ZNF578: variants seen among roughly 807,000 people sequenced by gnomAD.
ZNF578 encodes the protein Putative chemokine-related protein B42.
A neutral mutation model predicts 8.3 loss-of-function variants in ZNF578; 8 were observed. The observed-to-expected ratio is 0.96, with a 90% CI of 0.56 to 1.74. The LOEUF is 1.74. Among genes scored for constraint, ZNF578 ranks in the 40% most tolerant of loss-of-function variants. ZNF578 has a pLI of 0.00. For synonymous variants in ZNF578, 206 were observed against 232.2 expected, an observed-to-expected ratio of 0.89 and a Z score of 1.03; for missense variants, 726 against 707.5, an observed-to-expected ratio of 1.03 and a Z score of -0.30.
chr19:52,492,157 C>CAAAAAAAAAA (rs869249180), intron 3 of ZNF578, among the ~76,000 whole-genome samples: 2 of 67,638 alleles, frequency 3.0e-5, no homozygotes, highest in Non-Finnish European at 5.6e-5. Context: ...GATTCTGTCT[C>CAAAAAAAAAA]AAAAAAAAAA....
intron 2 of ZNF578, among the ~76,000 whole-genome samples, chr19:52,483,970 A>G (rs1673916): frequency 0.01 from 1,523 of 152,106 alleles, 26 homozygotes; most frequent in African/African-American, 0.034. Flanking sequence ...CAGGGAACCG[A>G]CGCTCAGCAT....
At chr19:52,492,510 T>G (rs1019120041) in intron 3 of ZNF578, among the ~76,000 whole-genome samples, 3 of 152,214 alleles carry the variant, frequency 2.0e-5, no homozygotes, top group African/African-American at 4.8e-5. Flanking sequence ...CTGTGGGCCA[T>G]CAGCATGAAA....
At position 52,511,662 on chromosome 19, in the gene ZNF578, C is replaced by A. The variant is rs2059447730; in HGVS notation, c.1281C>A (p.Tyr427Ter). 2 of 1,614,050 alleles carry A rather than the reference C, an allele frequency of 1.2e-6. No individual in the cohort carries two copies. Among genetic ancestry groups the A allele is most frequent in the African/African-American group, 2.7e-5 (2 of 75,022 alleles). Residue 427 changes from tyrosine to a stop codon, truncating the protein, a stop_gained, in exon 6 of 6, where the codon TAC becomes TAA. Transcript: ENST00000421239. LOFTEE classifies it low-confidence loss of function (END_TRUNC). ...HHRLHTGEKP[Y>*]KCNDCGKAFI... is the part of the protein sequence containing the mutation. ...GACTTCATACTGGAGAGAAACCTTA[C>A]AAGTGTAATGACTGTGGTAAGGCTT...
At chr19:52,502,234 A>AG (rs373987275) in intron 4 of ZNF578, among the ~76,000 whole-genome samples, 12 of 152,280 alleles carry the variant, frequency 7.9e-5, no homozygotes, top group African/African-American at 1.2e-4. Flanking sequence ...TGGATTGTTC[A>AG]GGGGCCATAT....
intron 2 of ZNF578, among the ~76,000 whole-genome samples, chr19:52,481,406 G>A (rs998927203): frequency 4.6e-5 from 7 of 152,198 alleles, no homozygotes; most frequent in African/African-American, 1.7e-4. Flanking sequence ...CTTGCTTCTG[G>A]TGAACAAGGG....
At position 52,512,016 on chromosome 19, in the gene ZNF578, C is replaced by T; in HGVS notation, c.1635C>T (p.Asp545=). 6.2e-7 allele frequency: 1 copy of T among 1,614,050 alleles called. No individual in the cohort carries two copies. The highest frequency in any genetic ancestry group is 8.5e-7 in the Non-Finnish European group (1 of 1,180,018). The change falls in exon 6 of 6, where the codon GAC becomes GAT. Residue 545 remains aspartate (D), a synonymous_variant. Transcript: ENST00000421239. Reference sequence around the variant, plus strand: ...AACCTTACAAATGTAAGGTTTGTGACAAGGCTTTCATGTGCCATTCTTATC... The same window carrying T: ...AACCTTACAAATGTAAGGTTTGTGATAAGGCTTTCATGTGCCATTCTTATC... ...GEKPYKCKVC[D]KAFMCHSYLA...
chr19:52,505,284 CAGT>C, intron 5 of ZNF578, among the ~76,000 whole-genome samples: 1 of 152,286 alleles, frequency 6.6e-6, no homozygotes, highest in Non-Finnish European at 1.5e-5. Flanking sequence ...AAGCAGCAGT[CAGT>C]GGTGTTGAAA....
chr19:52,485,513 T>C (rs2059342435), intron 2 of ZNF578, among the ~76,000 whole-genome samples: 1 of 152,156 alleles, frequency 6.6e-6, no homozygotes, highest in African/African-American at 2.4e-5. Flanking sequence ...CAGCCTGTGA[T>C]CCACAGAGAG....
At chr19:52,481,518 A>T (rs972782643) in intron 2 of ZNF578, among the ~76,000 whole-genome samples, 1 of 152,204 alleles carries the variant, frequency 6.6e-6, no homozygotes, top group Non-Finnish European at 1.5e-5. Context: ...AATTATACAT[A>T]TGAGATTGAG....
chr19:52,501,732 T>G, intron 3 of ZNF578, 95 bp from the exon 4 acceptor site: 1 of 1,321,734 alleles, frequency 7.6e-7, no homozygotes, highest in Non-Finnish European at 1.0e-6. Flanking sequence ...GGGGGCTTCT[T>G]TGTACAGGGT....
chr19:52,491,238 A>AT (rs201667472), intron 2 of ZNF578, 86 bp from the exon 3 acceptor site: 21 of 161,848 alleles, frequency 1.3e-4, no homozygotes, highest in East Asian at 3.5e-4. Flanking sequence ...TAAAATAAGT[A>AT]TTTTTTTGTG....
chr19:52,515,350 GTGTT>G lies in ZNF578; in HGVS notation c.*3197_*3200del, dbSNP rs2059469516. On this transcript the variant is annotated 3_prime_UTR_variant, in exon 6 of 6. Coordinates refer to ENST00000421239, the MANE Select transcript of ZNF578 (RefSeq NM_001099694.2). ...CACTGTTTCCAAGGTCAATAGCTGT[GTGTT>G]CACACTTCTGCATTTTATAAATGTT... 6.6e-6 allele frequency among the ~76,000 whole-genome samples: 1 copy of G among 152,142 alleles called. No homozygotes were observed. Among genetic ancestry groups the G allele is most frequent in the Non-Finnish European group, 1.5e-5 (1 of 68,034 alleles).
intron 2 of ZNF578, among the ~76,000 whole-genome samples, chr19:52,461,043 A>G (rs987871224): frequency 5.3e-5 from 8 of 152,186 alleles, no homozygotes; most frequent in African/African-American, 1.9e-4. Flanking sequence ...TGATCCTCCA[A>G]CGGTCCATTT....
chr19:52,468,126 T>A (rs543152194), intron 2 of ZNF578, among the ~76,000 whole-genome samples: 2 of 152,288 alleles, frequency 1.3e-5, no homozygotes, highest in South Asian at 4.1e-4. Context: ...GGAAACTTTT[T>A]AAAATTGTGT....
intron 5 of ZNF578, among the ~76,000 whole-genome samples, chr19:52,508,893 ATTTTTTTTTT>A (rs869062581): frequency 1.2e-5 from 1 of 82,046 alleles, no homozygotes; most frequent in East Asian, 4.3e-4. Context: ...CTATTAGTCA[ATTTTTTTTTT>A]TTTTTTTTTT....
intron 2 of ZNF578, among the ~76,000 whole-genome samples, chr19:52,484,131 T>G (rs1477706796): frequency 2.0e-5 from 3 of 152,176 alleles, no homozygotes; most frequent in Non-Finnish European, 4.4e-5. Flanking sequence ...CTCTGCATCA[T>G]AAACAAGGTA....
chr19:52,508,783 G>A (rs1239725307), intron 5 of ZNF578, among the ~76,000 whole-genome samples: 1 of 148,314 alleles, frequency 6.7e-6, no homozygotes, highest in Non-Finnish European at 1.5e-5. Context: ...CAACAAGAGT[G>A]GAACTCTGTC....
rs1371874301 is a variant in ZNF578 at position 52,513,928 on chromosome 19, G to T, written c.*1774G>T. Among the ~76,000 whole-genome samples, 2 of 152,038 alleles carry T rather than the reference G, an allele frequency of 1.3e-5. No individual in the cohort carries two copies. Among genetic ancestry groups the T allele is most frequent in the Non-Finnish European group, 2.9e-5 (2 of 68,028 alleles). On this transcript the variant is annotated 3_prime_UTR_variant, in exon 6 of 6. Transcript: ENST00000421239. ...TAGTTCCAGCTACTTGGGACACTGA[G>T]GCATGAGAATCACTTAAACCTGGGA...
intron 5 of ZNF578, among the ~76,000 whole-genome samples, chr19:52,507,433 C>G (rs1280275487): frequency 2.0e-5 from 3 of 152,046 alleles, no homozygotes; most frequent in Non-Finnish European, 4.4e-5. Flanking sequence ...TGGCATGTGT[C>G]TGTAGTCCCA....
Sources: allele counts gnomAD v4.1 joint callset (sites outside exome capture counted in the v4.1 genomes callset), GRCh38; gene constraint gnomAD v4.1.1; transcripts MANE v1.5; gene names NCBI Gene and HGNC (gene_info 2026-07-23, HGNC 2026-07-21).